PCDHGA11: variants seen among roughly 807,000 people sequenced by gnomAD.
The protein encoded by PCDHGA11 is protocadherin gamma subfamily A, 11, also known as protocadherin gamma-A11.
In PCDHGA11, 39 loss-of-function variants were observed where a neutral mutation model predicts 60.4. The observed-to-expected ratio is 0.65, with a 90% CI of 0.50 to 0.84. The LOEUF is 0.84. Among genes scored for constraint, PCDHGA11 ranks in the 40% least tolerant of loss-of-function variants. The pLI, the probability that PCDHGA11 is intolerant of heterozygous loss-of-function variation, is 0.00. For synonymous variants in PCDHGA11, 533 were observed against 510.3 expected (o/e 1.04, Z -0.60); for missense variants, 1,165 against 1,197.7 (o/e 0.97, Z 0.40).
rs140199351 is a variant in PCDHGA11, at chr5:141,465,921, G to C, written c.2434-28886G>C. Among the ~76,000 whole-genome samples, 1,515 of 152,146 alleles carry C rather than the reference G, an allele frequency of 1.0e-2. 24 individuals carry two copies. The highest frequency in any genetic ancestry group is 0.034 in the African/African-American group (1,400 of 41,520). On this transcript the variant is annotated intron_variant, in intron 1 of 3. Transcript: ENST00000398587. ...GCAAATCACGAGGTCAGGATTTCGA[G>C]TCCATCCTGGCTAACATGGTGAAAC...
At chr5:141,428,064 G>C in intron 1 of PCDHGA11, 1 of 1,609,060 alleles carries the variant, frequency 6.2e-7, no homozygotes, top group East Asian at 2.2e-5. Flanking sequence ...GGCGGTGGAC[G>C]CAGATTCGGG....
At chr5:141,495,153 T>G (rs2154591630) in intron 2 of PCDHGA11, among the ~76,000 whole-genome samples, 1 of 152,290 alleles carries the variant, frequency 6.6e-6, no homozygotes, top group East Asian at 1.9e-4. Flanking sequence ...AGGATGGTCT[T>G]AAGCTGGTCT....
intron 1 of PCDHGA11, among the ~76,000 whole-genome samples, chr5:141,462,688 A>G (rs919098530): frequency 3.9e-5 from 6 of 152,126 alleles, no homozygotes; most frequent in African/African-American, 1.4e-4. Flanking sequence ...TTTTGAGCAC[A>G]TTTATAATGG....
Position 141,477,858 on chromosome 5 carries a change from C to T in PCDHGA11, c.2434-16949C>T. 2 of 1,613,572 alleles carry T rather than the reference C, an allele frequency of 1.2e-6. No individual in the cohort carries two copies. Among genetic ancestry groups the T allele is most frequent in the Non-Finnish European group, 1.7e-6 (2 of 1,179,842 alleles). ...GGTGGGAGCTCGGTGGAGATGCTGC[C>T]TCGAGGTACCTCAGCTGGCCACCTA... On this transcript the variant is annotated intron_variant, in intron 1 of 3. Transcript: ENST00000398587. This position sits in a 1 kb window ranked among gnomAD's most constrained non-coding sequence, Gnocchi z 4.9.
chr5:141,471,879 G>A (rs1027572395), intron 1 of PCDHGA11, among the ~76,000 whole-genome samples: 7 of 152,218 alleles, frequency 4.6e-5, no homozygotes, highest in African/African-American at 1.7e-4. Context: ...GCCTGAGGCT[G>A]AAGCTAGGAA....
chr5:141,484,068 G>C (rs1287427208), intron 1 of PCDHGA11, among the ~76,000 whole-genome samples: 1 of 152,114 alleles, frequency 6.6e-6, no homozygotes, highest in African/African-American at 2.4e-5. Flanking sequence ...TAAGTGAAAA[G>C]CTTGCTCTTT....
At position 141,476,923 on chromosome 5, in the gene PCDHGA11, G is replaced by A. The variant is rs368207814; in HGVS notation, c.2434-17884G>A. On this transcript the variant is annotated intron_variant, in intron 1 of 3. Transcript: ENST00000398587. This position sits in a 1 kb window ranked among gnomAD's most constrained non-coding sequence, Gnocchi z 7.6. ...CGCGCGTGGTACAAGTCCTTGCAAC[G>A]GATCTGGATGAAGGCCCCAACGGTG... The A allele has an allele frequency of 5.0e-6, 8 of 1,614,024 alleles. No individual in the cohort carries two copies. Among genetic ancestry groups the A allele is most frequent in the African/African-American group, 4.0e-5 (3 of 74,952 alleles).
chr5:141,457,429 C>G (rs73280316), intron 1 of PCDHGA11, among the ~76,000 whole-genome samples: 1,780 of 152,292 alleles, frequency 0.012, 30 homozygotes, highest in African/African-American at 0.04. Context: ...TTTTCCCCCC[C>G]ACCAAGCTGC....
chr5:141,494,790 C>A lies in PCDHGA11; in HGVS notation c.2434-17C>A, dbSNP rs909145. 17 of 1,614,014 alleles carry A rather than the reference C, an allele frequency of 1.1e-5. 1 individual carries two copies. The South Asian group carries it at 1.9e-4, about 18-fold the overall frequency. ...TCTCACGGGTACTCAGCCCCTTTCC[C>A]TCTGTTTTCTCCACAGCAAGCCCCG... On this transcript the variant is annotated splice_polypyrimidine_tract_variant and intron_variant, in intron 1 of 3. Transcript: ENST00000398587.
At chr5:141,441,655 C>A in intron 1 of PCDHGA11, 1 of 247,430 alleles carries the variant, frequency 4.0e-6, no homozygotes. Context: ...TTCTAGGTGT[C>A]CTTGAGCGCA....
Position 141,491,758 on chromosome 5 carries a change from C to A in PCDHGA11, c.2434-3049C>A. The stretch of plus-strand genomic sequence containing the variant: ...TGGGGGCGGCACTGGAGAAGCCGCC[C>A]GTCCTCATAAGGGATTGAACTTGCA... On this transcript the variant is annotated intron_variant, in intron 1 of 3. Coordinates refer to ENST00000398587, the MANE Select transcript of PCDHGA11 (RefSeq NM_018914.3). This position sits in a 1 kb window ranked among gnomAD's most constrained non-coding sequence, Gnocchi z 6.9. 6.3e-7 allele frequency: 1 copy of A among 1,578,788 alleles called. No homozygotes were observed. Among genetic ancestry groups the A allele is most frequent in the Non-Finnish European group, 8.6e-7 (1 of 1,163,522 alleles).
intron 1 of PCDHGA11, chr5:141,478,023 A>G (rs2099428714): frequency 6.2e-7 from 1 of 1,614,112 alleles, no homozygotes; most frequent in South Asian, 1.1e-5. Flanking sequence ...CCAGTCCAAG[A>G]CACAGATTCA....
chr5:141,501,066 A>G (rs2099805322), intron 2 of PCDHGA11, among the ~76,000 whole-genome samples: 1 of 151,976 alleles, frequency 6.6e-6, no homozygotes, highest in South Asian at 2.1e-4. Flanking sequence ...ACGGGGTTTC[A>G]CCATGTTGAC....
chr5:141,422,606 C>A lies in PCDHGA11; in HGVS notation c.1379C>A (p.Ala460Asp). ...PPVFPHSSYS[A>D]YIPENNPRGA... ...GTTTTTCCTCACTCCTCTTACTCTG[C>A]CTACATTCCCGAAAACAACCCCAGG... The change falls in exon 1 of 4, where the codon GCC becomes GAC. Residue 460 changes from alanine (A) to aspartate (D), a missense_variant. Coordinates refer to ENST00000398587, the MANE Select transcript of PCDHGA11 (RefSeq NM_018914.3). 6.2e-7 allele frequency: 1 copy of A among 1,613,904 alleles called. No individual in the cohort carries two copies. The highest frequency in any genetic ancestry group is 8.5e-7 in the Non-Finnish European group (1 of 1,179,914).
chr5:141,509,144 G>A (rs969990007), intron 3 of PCDHGA11, among the ~76,000 whole-genome samples: 1 of 152,114 alleles, frequency 6.6e-6, no homozygotes, highest in African/African-American at 2.4e-5. Context: ...GGCGCATCCC[G>A]GCTCTCCCCT....
At position 141,432,781 on chromosome 5, in the gene PCDHGA11, C is replaced by T. The variant is rs761954375; in HGVS notation, c.2433+9121C>T. On this transcript the variant is annotated intron_variant, in intron 1 of 3. Coordinates refer to ENST00000398587, the MANE Select transcript of PCDHGA11 (RefSeq NM_018914.3). This position sits in a 1 kb window ranked among gnomAD's most constrained non-coding sequence, Gnocchi z 6.0. ...ACAGCATCCCCCAAGTCCTGGCGGA[C>T]CTCGGCAGCCTCGAGTCTCCAGCTA... The T allele has an allele frequency of 3.1e-6, 5 of 1,614,064 alleles. No homozygotes were observed. The Admixed American group carries it at 8.3e-5, about 27-fold the overall frequency.
At chr5:141,433,111 C>T (rs2097569323) in intron 1 of PCDHGA11, 1 of 1,613,966 alleles carries the variant, frequency 6.2e-7, no homozygotes, top group African/African-American at 1.3e-5. Context: ...GCCAGGAGAG[C>T]TTTGAAAAAA....
intron 1 of PCDHGA11, among the ~76,000 whole-genome samples, chr5:141,439,076 C>G (rs1358035789): frequency 6.6e-6 from 1 of 151,590 alleles, no homozygotes; most frequent in East Asian, 2.0e-4. Context: ...GCCTGTAATC[C>G]CAGCTACTCA....
At chr5:141,495,269 CGGAGGAGGCG>C (rs2099759953) in intron 2 of PCDHGA11, among the ~76,000 whole-genome samples, 1 of 152,180 alleles carries the variant, frequency 6.6e-6, no homozygotes, top group Non-Finnish European at 1.5e-5. Context: ...AGCATTTGAC[CGGAGGAGGCG>C]GTCCGCACTC....
Sources: allele counts gnomAD v4.1 joint callset (sites outside exome capture counted in the v4.1 genomes callset), GRCh38; gene constraint gnomAD v4.1.1; non-coding constraint Gnocchi (gnomAD v3.1); transcripts MANE v1.5; gene names NCBI Gene and HGNC (gene_info 2026-07-23, HGNC 2026-07-21).